MCTP1: variants seen among roughly 807,000 people sequenced by gnomAD.
MCTP1 encodes the protein multiple C2 and transmembrane domain containing 1.
A neutral mutation model predicts 120.6 loss-of-function variants in MCTP1; 69 were observed. That is an observed-to-expected ratio of 0.57 (90% CI 0.47 to 0.70). The LOEUF is 0.70. Ranked by LOEUF, MCTP1 falls within the 30% of genes least tolerant of loss-of-function variation. The probability of loss-of-function intolerance (pLI) is 0.00; values close to 1 mark genes in which losing one functional copy is unlikely to be tolerated. For synonymous variants in MCTP1, 529 were observed against 493.1 expected (o/e 1.07, Z -0.96); for missense variants, 1,203 against 1,248.8 (o/e 0.96, Z 0.55).
intron 17 of MCTP1, among the ~76,000 whole-genome samples, chr5:94,802,892 T>G (rs78591374): frequency 0.014 from 2,171 of 152,274 alleles, 41 homozygotes; most frequent in African/African-American, 0.05. Flanking sequence ...ATTTTAGAAT[T>G]TTTTGATGTT....
At chr5:95,005,654 G>T (rs778233274) in intron 2 of MCTP1, among the ~76,000 whole-genome samples, 1 of 152,026 alleles carries the variant, frequency 6.6e-6, no homozygotes, top group Non-Finnish European at 1.5e-5. Flanking sequence ...AGATGAATAT[G>T]TGCCTGCTTC....
chr5:94,792,099 CA>C (rs1283240252), intron 18 of MCTP1: 1 of 152,526 alleles, frequency 6.6e-6, no homozygotes, highest in African/African-American at 2.4e-5. Flanking sequence ...CACCATGCAT[CA>C]CACTCAGACC....
intron 17 of MCTP1, among the ~76,000 whole-genome samples, chr5:94,824,828 G>A (rs1018581281): frequency 2.0e-5 from 3 of 152,148 alleles, no homozygotes; most frequent in African/African-American, 7.2e-5. Flanking sequence ...TTTGCGTAGA[G>A]GTGTTTATAG....
intron 8 of MCTP1, among the ~76,000 whole-genome samples, chr5:94,914,321 A>G (rs1809524186): frequency 6.6e-6 from 1 of 152,172 alleles, no homozygotes; most frequent in Admixed American, 6.5e-5. Flanking sequence ...TTCTACGTTA[A>G]TGTTACAAAG....
chr5:95,149,762 C>T (rs1038550368), intron 1 of MCTP1, among the ~76,000 whole-genome samples: 2 of 152,146 alleles, frequency 1.3e-5, no homozygotes, highest in African/African-American at 4.8e-5. Context: ...CGGCCTTAAG[C>T]GGTGCCCTGC....
At chr5:95,213,222 GACAA>G (rs1292680444) in intron 1 of MCTP1, among the ~76,000 whole-genome samples, 3 of 152,122 alleles carry the variant, frequency 2.0e-5, no homozygotes, top group East Asian at 1.9e-4. Flanking sequence ...ACCAGTAACA[GACAA>G]ACAGAGAGCC....
At chr5:94,790,727 C>T (rs1304746417) in intron 18 of MCTP1, among the ~76,000 whole-genome samples, 1 of 152,074 alleles carries the variant, frequency 6.6e-6, no homozygotes, top group African/African-American at 2.4e-5. Flanking sequence ...TTGGTAGGGT[C>T]AGACTGGTAG....
At position 94,883,469 on chromosome 5, in the gene MCTP1, T is replaced by C. The variant is rs1009883340; in HGVS notation, c.1933+5410A>G. Among the ~76,000 whole-genome samples the C allele has an allele frequency of 5.9e-5, 9 of 152,190 alleles. No individual in the cohort carries two copies. The South Asian group carries it at 1.9e-3, about 31-fold the overall frequency. On this transcript the variant is annotated intron_variant, in intron 12 of 22. Coordinates refer to ENST00000515393, the MANE Select transcript of MCTP1 (RefSeq NM_024717.7). ...TTTCAAGCAATATAATTTTCAGATGTTAAGATAGTAAAGTTAAGAAACTAT... is the reference window on the plus strand; with the variant it reads ...TTTCAAGCAATATAATTTTCAGATGCTAAGATAGTAAAGTTAAGAAACTAT...
At chr5:94,849,882 G>A (rs1044306654) in intron 17 of MCTP1, among the ~76,000 whole-genome samples, 3 of 152,092 alleles carry the variant, frequency 2.0e-5, no homozygotes, top group Admixed American at 6.6e-5. Flanking sequence ...CATAAGCAAT[G>A]GCACTTTGCA....
intron 6 of MCTP1, chr5:94,929,494 T>A (rs1813990603): frequency 4.6e-6 from 1 of 215,684 alleles, no homozygotes; most frequent in Admixed American, 6.5e-5. Flanking sequence ...TACACCCTAT[T>A]TCCAAAAATA....
intron 6 of MCTP1, among the ~76,000 whole-genome samples, chr5:94,924,261 T>G (rs1280562827): frequency 6.6e-6 from 1 of 152,132 alleles, no homozygotes; most frequent in Non-Finnish European, 1.5e-5. Flanking sequence ...CTTTTCATTC[T>G]TAAGTATTCA....
chr5:95,254,059 C>CT (rs781183793), intron 1 of MCTP1, among the ~76,000 whole-genome samples: 7 of 152,144 alleles, frequency 4.6e-5, no homozygotes, highest in Non-Finnish European at 1.0e-4. Flanking sequence ...AAACCACAAA[C>CT]TACAGAAGCA....
chr5:95,017,532 T>C, intron 1 of MCTP1, 48 bp from the exon 2 acceptor site: 1 of 1,137,286 alleles, frequency 8.8e-7, no homozygotes, highest in Non-Finnish European at 1.2e-6. Flanking sequence ...ATCTCTGTTC[T>C]ATTTTCTCTA....
At chr5:94,942,893 A>G (rs1818071952) in intron 3 of MCTP1, among the ~76,000 whole-genome samples, 1 of 152,146 alleles carries the variant, frequency 6.6e-6, no homozygotes, top group Admixed American at 6.6e-5. Flanking sequence ...TTATAAAGTT[A>G]TACTAAGGTT....
At chr5:95,080,506 C>T (rs1261391487) in intron 1 of MCTP1, among the ~76,000 whole-genome samples, 1 of 152,100 alleles carries the variant, frequency 6.6e-6, no homozygotes, top group Non-Finnish European at 1.5e-5. Flanking sequence ...TTTTTGAAAA[C>T]CTCAAGTCGT....
At chr5:95,027,504 A>G (rs2153686428) in intron 1 of MCTP1, among the ~76,000 whole-genome samples, 1 of 152,354 alleles carries the variant, frequency 6.6e-6, no homozygotes, top group African/African-American at 2.4e-5. Flanking sequence ...CCAGAAGGCC[A>G]CGTGTAACCT....
chr5:95,232,971 C>T lies in MCTP1; in HGVS notation c.720+50885G>A, dbSNP rs115938611. Among the ~76,000 whole-genome samples, 987 of 152,200 alleles carry T rather than the reference C, an allele frequency of 6.5e-3. 10 individuals carry two copies. The highest frequency in any genetic ancestry group is 0.023 in the African/African-American group (946 of 41,532). ...GAGCTTCAACAGACATGAAGCAAAA[C>T]CTCATAGAATTGTAAGGAGAAATAC... On this transcript the variant is annotated intron_variant, in intron 1 of 22. Coordinates refer to ENST00000515393, the MANE Select transcript of MCTP1 (RefSeq NM_024717.7).
chr5:95,021,221 G>A (rs1402904347), intron 1 of MCTP1, among the ~76,000 whole-genome samples: 7 of 151,916 alleles, frequency 4.6e-5, no homozygotes, highest in Non-Finnish European at 1.0e-4. Flanking sequence ...GAGCATTAAC[G>A]CATATAAGAT....
chr5:94,896,798 A>G (rs898789391), intron 10 of MCTP1, among the ~76,000 whole-genome samples: 1 of 152,134 alleles, frequency 6.6e-6, no homozygotes, highest in Admixed American at 6.6e-5. Context: ...ACTTAATTAC[A>G]CTACCTTGCT....
Sources: gnomAD v4.1 joint callset for allele counts (sites outside exome capture counted in the v4.1 genomes callset) on GRCh38, gnomAD v4.1.1 for gene constraint, MANE v1.5 for transcripts, NCBI Gene and HGNC (gene_info 2026-07-23, HGNC 2026-07-21) for gene names.